The following RLN2 variants were observed in gnomAD, a reference collection of about 807,000 sequenced individuals.
The protein encoded by RLN2 is prorelaxin H2.
A neutral mutation model predicts 7.3 loss-of-function variants in RLN2; 10 were observed. The observed-to-expected ratio is 1.36, with a 90% CI of 0.84 to 2.31. The LOEUF (loss-of-function observed/expected upper bound fraction) is 2.31, where lower values mean the gene tolerates loss of function less well. RLN2 is among the 30% of genes most tolerant of loss of function. RLN2 has a pLI of 0.00. For missense variants in RLN2, 298 were observed against 217.6 expected (o/e 1.37, Z -2.32); for synonymous variants, 103 against 82.3 (o/e 1.25, Z -1.36).
At chr9:5,332,206 T>G in the RLN2 span, among the ~76,000 whole-genome samples, 1 of 152,164 alleles carries the variant, frequency 6.6e-6, no homozygotes, top group East Asian at 1.9e-4. Context: ...GGTGTGCAGG[T>G]GTACTCCCTT....
the RLN2 span, among the ~76,000 whole-genome samples, chr9:5,317,112 T>C: frequency 2.6e-5 from 4 of 151,740 alleles, no homozygotes; most frequent in Admixed American, 6.6e-5. Flanking sequence ...ATCAAAACAG[T>C]ACCACAGGAA....
chr9:5,333,039 C>A, the RLN2 span, among the ~76,000 whole-genome samples: 1 of 152,032 alleles, frequency 6.6e-6, no homozygotes, highest in Non-Finnish European at 1.5e-5. Flanking sequence ...TAACCAGAAG[C>A]TTAAAATTTA....
At chr9:5,335,144 A>T in the RLN2 span, 1 of 618,726 alleles carries the variant, frequency 1.6e-6, no homozygotes, top group South Asian at 3.3e-5. Flanking sequence ...AACATTAATA[A>T]AGATTTCTTA....
At chr9:5,317,727 G>A in the RLN2 span, among the ~76,000 whole-genome samples, 1 of 151,772 alleles carries the variant, frequency 6.6e-6, no homozygotes, top group Admixed American at 6.6e-5. Flanking sequence ...GAGAAAAATG[G>A]GTAAAAGACA....
At chr9:5,323,050 A>G in the RLN2 span, among the ~76,000 whole-genome samples, 1 of 151,728 alleles carries the variant, frequency 6.6e-6, no homozygotes, top group African/African-American at 2.4e-5. Context: ...ACTCATAGAT[A>G]ACTTTTTCTC....
At chr9:5,330,637 C>CAAAAAAAA in the RLN2 span, among the ~76,000 whole-genome samples, 22 of 74,440 alleles carry the variant, frequency 3.0e-4, no homozygotes, top group Non-Finnish European at 4.8e-4. Context: ...GACTCCATCT[C>CAAAAAAAA]AAAAAAAAAA....
At chr9:5,300,852 T>C (rs1465683917) in intron 1 of RLN2, among the ~76,000 whole-genome samples, 4 of 152,232 alleles carry the variant, frequency 2.6e-5, no homozygotes, top group African/African-American at 9.6e-5. Flanking sequence ...TGATTTATGA[T>C]ATTATGAGTT....
chr9:5,329,644 A>T, the RLN2 span, among the ~76,000 whole-genome samples: 1 of 151,956 alleles, frequency 6.6e-6, no homozygotes, highest in Non-Finnish European at 1.5e-5. Flanking sequence ...AAATCAACAA[A>T]GATCAAAAGA....
the RLN2 span, among the ~76,000 whole-genome samples, chr9:5,316,114 C>G: frequency 1.3e-5 from 2 of 151,862 alleles, no homozygotes; most frequent in Non-Finnish European, 2.9e-5. Context: ...AGGTTAAAAA[C>G]CAAAAGAGTC....
At chr9:5,314,093 C>T in the RLN2 span, among the ~76,000 whole-genome samples, 3 of 151,966 alleles carry the variant, frequency 2.0e-5, no homozygotes, top group Admixed American at 2.0e-4. Flanking sequence ...TGAGGGAACT[C>T]CCTGGAATCC....
chr9:5,315,049 C>T, the RLN2 span, among the ~76,000 whole-genome samples: 168 of 150,912 alleles, frequency 1.1e-3, 6 homozygotes, highest in South Asian at 0.034. Flanking sequence ...GACATCAATG[C>T]AAGGACATAA....
the RLN2 span, among the ~76,000 whole-genome samples, chr9:5,331,909 C>T: frequency 6.6e-6 from 1 of 151,780 alleles, no homozygotes; most frequent in South Asian, 2.1e-4. Flanking sequence ...ATGTATTTAT[C>T]CTTGACTAAG....
chr9:5,324,398 C>T, the RLN2 span, among the ~76,000 whole-genome samples: 3 of 151,948 alleles, frequency 2.0e-5, 1 homozygote, highest in Non-Finnish European at 4.4e-5. Context: ...AATCATTTTA[C>T]ATTATAATTT....
At chr9:5,325,633 A>G in the RLN2 span, among the ~76,000 whole-genome samples, 1 of 152,104 alleles carries the variant, frequency 6.6e-6, no homozygotes. Flanking sequence ...TCTTTTAAGC[A>G]GAGCCTTTCA....
At chr9:5,309,500 C>A (rs972797132), upstream of RLN2, among the ~76,000 whole-genome samples, 1 of 152,004 alleles carries the variant, frequency 6.6e-6, no homozygotes, top group Non-Finnish European at 1.5e-5. Flanking sequence ...CCTGACAGTT[C>A]CCCTACATTC....
chr9:5,311,965 A>T, the RLN2 span, among the ~76,000 whole-genome samples: 2 of 151,922 alleles, frequency 1.3e-5, no homozygotes, highest in Non-Finnish European at 2.9e-5. Context: ...AAAACAAACA[A>T]CCCCATCAAA....
At chr9:5,334,823 T>C in the RLN2 span, 5 of 153,750 alleles carry the variant, frequency 3.3e-5, no homozygotes, top group African/African-American at 9.6e-5. Context: ...TAGTTCAATA[T>C]GCAACAAAAA....
At chr9:5,314,740 C>G in the RLN2 span, among the ~76,000 whole-genome samples, 1 of 152,008 alleles carries the variant, frequency 6.6e-6, no homozygotes, top group African/African-American at 2.4e-5. Flanking sequence ...CAAGTGACAT[C>G]TGCCCTCTGC....
upstream of RLN2, among the ~76,000 whole-genome samples, chr9:5,305,743 G>T (rs1419743106): frequency 2.0e-5 from 3 of 152,008 alleles, no homozygotes; most frequent in Non-Finnish European, 4.4e-5. Context: ...CAGGACATTA[G>T]GGTAGCTTTG....
Sources: allele counts gnomAD v4.1 joint callset (sites outside exome capture counted in the v4.1 genomes callset), GRCh38; gene constraint gnomAD v4.1.1; transcripts MANE v1.5; gene names NCBI Gene and HGNC (gene_info 2026-07-23, HGNC 2026-07-21).